MKLN1: variants seen among roughly 807,000 people sequenced by gnomAD.
MKLN1 encodes the protein muskelin 1.
A neutral mutation model predicts 99.0 loss-of-function variants in MKLN1; 18 were observed. The ratio of observed to expected loss-of-function variants is 0.18; its 90% CI spans 0.13 to 0.27. The LOEUF (loss-of-function observed/expected upper bound fraction) is 0.27. Ranked by LOEUF, MKLN1 falls within the 10% of genes least tolerant of loss-of-function variation. MKLN1 has a pLI of 1.00. For missense variants in MKLN1, 621 were observed against 875.9 expected (o/e 0.71, Z 3.67); for synonymous variants, 288 against 293.2 (o/e 0.98, Z 0.18).
At chr7:131,168,611 T>C (rs1382511276) in intron 2 of MKLN1, among the ~76,000 whole-genome samples, 1 of 152,206 alleles carries the variant, frequency 6.6e-6, no homozygotes, top group Non-Finnish European at 1.5e-5. Context: ...TATTATAATA[T>C]CATGGCTGAG....
At chr7:131,126,027 T>A (rs1319292513) in intron 1 of MKLN1, among the ~76,000 whole-genome samples, 124 of 4,482 alleles carry the variant, frequency 0.028, 1 homozygote, top group African/African-American at 0.036. Context: ...AAGATAAATA[T>A]AAATAAATAA....
Position 131,470,935 on chromosome 7 carries a change from G to A in MKLN1, c.2022G>A (p.Glu674=). The change falls in exon 16 of 18, where the codon GAG becomes GAA. Residue 674 remains glutamate, a synonymous_variant. Transcript: ENST00000352689. ...YITVDHSDPE[E]TKEFQLLASA... ...CTGTGGATCATTCAGACCCAGAAGAGACAAAAGAGGTAAAGAAAGGTGGTA... is the reference window on the plus strand; with the variant it reads ...CTGTGGATCATTCAGACCCAGAAGAAACAAAAGAGGTAAAGAAAGGTGGTA... 6.3e-7 allele frequency: 1 copy of A among 1,591,952 alleles called. No individual in the cohort carries two copies. Among genetic ancestry groups the A allele is most frequent in the Non-Finnish European group, 8.6e-7 (1 of 1,165,152 alleles).
intron 3 of MKLN1, among the ~76,000 whole-genome samples, chr7:131,300,705 C>T: frequency 9.0e-6 from 1 of 111,550 alleles, no homozygotes; most frequent in Admixed American, 1.1e-4. Flanking sequence ...AAAAAACAAC[C>T]AAAAAGAAAA....
chr7:131,327,963 A>C lies in MKLN1; in HGVS notation c.64A>C (p.Lys22Gln). ...ECRLLPYALH[K>Q]WSSFSSTYLP... ...CCGGCTTCTCCCCTACGCGCTACAC[A>C]AGTGGAGCTCCTTTTCCTCCACCTA... The change falls in exon 1 of 18, where the codon AAG becomes CAG. Residue 22 changes from lysine (K) to glutamine (Q), a missense_variant. Transcript: ENST00000352689. 6.2e-7 allele frequency: 1 copy of C among 1,613,708 alleles called. No homozygotes were observed. The highest frequency in any genetic ancestry group is 1.3e-5 in the African/African-American group (1 of 74,982).
Position 131,175,218 on chromosome 7 carries a change from T to TAG in MKLN1, c.-296-27627_-296-27626dup, listed in dbSNP as rs750361730. On this transcript the variant is annotated intron_variant, in intron 2 of 7. Coordinates refer to the MKLN1 transcript ENST00000416992. ...TAGATAGATAGATAGAATGGATGGA[T>TAG]AGAGAGAGAGAGATAGAATGGATGG... Among the ~76,000 whole-genome samples the TAG allele has an allele frequency of 5.6e-4, 84 of 150,668 alleles. 1 individual carries two copies. Among genetic ancestry groups the TAG allele is most frequent in the Admixed American group, 2.7e-3 (40 of 15,052 alleles).
intron 3 of MKLN1, chr7:131,284,977 G>A (rs1798110664): frequency 6.6e-6 from 1 of 152,230 alleles, no homozygotes; most frequent in South Asian, 2.1e-4. Context: ...GGCCTGGAAG[G>A]TAGAGGCTTC....
intron 3 of MKLN1, among the ~76,000 whole-genome samples, chr7:131,305,488 C>T (rs927894023): frequency 3.3e-5 from 5 of 152,182 alleles, no homozygotes; most frequent in South Asian, 4.1e-4. Context: ...CTGATTAGCT[C>T]TATTTCCTTG....
At chr7:131,260,278 C>A (rs1370229661) in intron 3 of MKLN1, among the ~76,000 whole-genome samples, 1 of 152,062 alleles carries the variant, frequency 6.6e-6, no homozygotes, top group East Asian at 1.9e-4. Flanking sequence ...CTCCTGAGCT[C>A]AAGCAATCCA....
chr7:131,349,484 G>C (rs908856399), intron 1 of MKLN1, among the ~76,000 whole-genome samples: 1 of 152,196 alleles, frequency 6.6e-6, no homozygotes, highest in Admixed American at 6.5e-5. Context: ...ATGAGCCGCC[G>C]CACCCGGCCT....
chr7:131,478,595 C>CTTTTTTTT (rs3080645), intron 16 of MKLN1, 28 bp from the exon 17 acceptor site: 14 of 1,238,434 alleles, frequency 1.1e-5, no homozygotes, highest in South Asian at 4.4e-5. Flanking sequence ...TTTGCTGCTT[C>CTTTTTTTT]TTTTTTTTTT....
rs190377254 is a variant in MKLN1 at position 131,256,284 on chromosome 7, T to C, written c.-179+53310T>C. 4.8e-4 allele frequency among the ~76,000 whole-genome samples: 73 copies of C among 152,300 alleles called. 1 individual carries two copies. Among genetic ancestry groups the C allele is most frequent in the Admixed American group, 2.6e-3 (40 of 15,290 alleles). On this transcript the variant is annotated intron_variant, in intron 3 of 7. Transcript: ENST00000416992. ...AAGGCATTCCAAGATAAACAAAATC[T>C]GAGATAATTTATTGCTAGATTACTG...
intron 1 of MKLN1, among the ~76,000 whole-genome samples, chr7:131,330,823 TTTTAA>T (rs1487619259): frequency 6.6e-6 from 1 of 152,190 alleles, no homozygotes; most frequent in African/African-American, 2.4e-5. Context: ...TTTCAACTCT[TTTTAA>T]TTTATTTGGA....
chr7:131,214,483 C>T (rs965720094), intron 3 of MKLN1, among the ~76,000 whole-genome samples: 3 of 152,156 alleles, frequency 2.0e-5, no homozygotes, highest in African/African-American at 7.2e-5. Context: ...CATCTTGTCA[C>T]TCTGAGGGGA....
chr7:131,126,239 G>A (rs934452589), intron 1 of MKLN1, among the ~76,000 whole-genome samples: 1 of 152,064 alleles, frequency 6.6e-6, no homozygotes, highest in African/African-American at 2.4e-5. Flanking sequence ...AATGCCAGAA[G>A]GGCTAATGAC....
chr7:131,131,353 G>A (rs1447155366), intron 1 of MKLN1, among the ~76,000 whole-genome samples: 1 of 152,150 alleles, frequency 6.6e-6, no homozygotes, highest in Non-Finnish European at 1.5e-5. Context: ...TCCAGCCTGG[G>A]CGATAAAGCA....
At chr7:131,362,559 A>G (rs1800061311) in intron 1 of MKLN1, among the ~76,000 whole-genome samples, 2 of 152,000 alleles carry the variant, frequency 1.3e-5, no homozygotes, top group Admixed American at 6.6e-5. Flanking sequence ...TATTTTAGAA[A>G]GATTTGCTTG....
At chr7:131,417,548 G>A (rs911181433) in intron 8 of MKLN1, among the ~76,000 whole-genome samples, 4 of 152,212 alleles carry the variant, frequency 2.6e-5, no homozygotes, top group African/African-American at 4.8e-5. Flanking sequence ...CTAACTATAC[G>A]TGGACATTGA....
intron 2 of MKLN1, among the ~76,000 whole-genome samples, chr7:131,160,420 T>C (rs1375839340): frequency 6.6e-6 from 1 of 151,478 alleles, no homozygotes; most frequent in African/African-American, 2.4e-5. Flanking sequence ...TATAATTTTC[T>C]TGGGTACATA....
At chr7:131,400,682 A>G (rs375924789) in intron 6 of MKLN1, among the ~76,000 whole-genome samples, 13 of 151,822 alleles carry the variant, frequency 8.6e-5, no homozygotes, top group Admixed American at 2.6e-4. Flanking sequence ...AAAGCAAAAC[A>G]ACAGCCACAG....
Sources: allele counts gnomAD v4.1 joint callset (sites outside exome capture counted in the v4.1 genomes callset), GRCh38; gene constraint gnomAD v4.1.1; transcripts MANE v1.5; gene names NCBI Gene and HGNC (gene_info 2026-07-23, HGNC 2026-07-21).